The following CCDC68 variants were observed in gnomAD, a reference collection of about 807,000 sequenced individuals.
The protein encoded by CCDC68 is coiled-coil domain containing 68, also known as coiled-coil domain-containing protein 68.
Under a neutral mutation model 47.1 loss-of-function variants are expected in CCDC68, and 45 were observed. That is an observed-to-expected ratio of 0.96 (90% confidence interval 0.75 to 1.23). CCDC68 has a LOEUF of 1.23. CCDC68 is among the 50% of genes most tolerant of loss of function. The probability of loss-of-function intolerance (pLI) is 0.00; values close to 1 mark genes in which losing one functional copy is unlikely to be tolerated. For missense variants in CCDC68, 353 were observed against 373.6 expected, an observed-to-expected ratio of 0.94 and a Z score of 0.45; for synonymous variants, 131 against 129.5, an observed-to-expected ratio of 1.01 and a Z score of -0.08.
At chr18:54,943,373 A>G (rs1232876147) in intron 2 of CCDC68, among the ~76,000 whole-genome samples, 1 of 152,162 alleles carries the variant, frequency 6.6e-6, no homozygotes, top group Non-Finnish European at 1.5e-5. Context: ...GCGGAAAATA[A>G]TATATAATAT....
chr18:54,904,713 A>G (rs1428524148), intron 11 of CCDC68, among the ~76,000 whole-genome samples: 4 of 152,196 alleles, frequency 2.6e-5, no homozygotes, highest in Admixed American at 6.5e-5. Flanking sequence ...CCTGGTGAAG[A>G]CATTCCCCAG....
chr18:54,950,061 C>A (rs2044588510), intron 1 of CCDC68, among the ~76,000 whole-genome samples: 1 of 152,180 alleles, frequency 6.6e-6, no homozygotes, highest in African/African-American at 2.4e-5. Context: ...ACATTCCCAT[C>A]AATTCCGGTA....
At chr18:54,907,913 T>TATTTG in intron 10 of CCDC68, 51 bp from the exon 11 acceptor site, 1 of 1,022,298 alleles carries the variant, frequency 9.8e-7, no homozygotes, top group Non-Finnish European at 1.6e-6. Context: ...ATTTATTAGC[T>TATTTG]ACACCCTCAA....
At chr18:54,916,520 T>C (rs146583228) in intron 10 of CCDC68, among the ~76,000 whole-genome samples, 17 of 152,170 alleles carry the variant, frequency 1.1e-4, no homozygotes, top group African/African-American at 4.8e-5. Context: ...AGGTGACAAT[T>C]GGCAGAAAAT....
intron 10 of CCDC68, among the ~76,000 whole-genome samples, chr18:54,914,607 C>G (rs1277018522): frequency 4.6e-5 from 7 of 151,850 alleles, no homozygotes; most frequent in Non-Finnish European, 1.0e-4. Flanking sequence ...GCCTGGGTGA[C>G]AAAGTGAGAC....
chr18:54,932,344 C>G (rs11661608), intron 7 of CCDC68, among the ~76,000 whole-genome samples: 26,613 of 151,726 alleles, frequency 0.18, 2,899 homozygotes, highest in East Asian at 0.32. Context: ...GCTACCATGC[C>G]CAGCTAATTT....
At chr18:54,943,332 G>A (rs1444273017) in intron 2 of CCDC68, among the ~76,000 whole-genome samples, 1 of 152,044 alleles carries the variant, frequency 6.6e-6, no homozygotes, top group Admixed American at 6.6e-5. Flanking sequence ...CCATCACTAG[G>A]ATGTATTATT....
Position 54,903,361 on chromosome 18 carries a change from T to G in CCDC68, c.*997A>C, listed in dbSNP as rs1240125020. On this transcript the variant is annotated 3_prime_UTR_variant, in exon 12 of 12. Transcript: ENST00000591504. Reference sequence around the variant, plus strand: ...TTCTGCAAGTCAGAATTTGTTCTATTCACTGCAATCACAAACTCCACCTAC... The same window carrying G: ...TTCTGCAAGTCAGAATTTGTTCTATGCACTGCAATCACAAACTCCACCTAC... 2 of 152,178 alleles carry G rather than the reference T, an allele frequency of 1.3e-5. No homozygotes were observed. Among genetic ancestry groups the G allele is most frequent in the African/African-American group, 4.8e-5 (2 of 41,440 alleles). The allele number at this position is 152,178 out of a possible 1,614,324, so 9.4% of individuals were successfully genotyped here.
intron 6 of CCDC68, among the ~76,000 whole-genome samples, chr18:54,936,449 C>A (rs566026652): frequency 3.3e-5 from 5 of 151,890 alleles, no homozygotes. Context: ...ATTCTAGAGA[C>A]AAGGACACCC....
chr18:54,926,374 A>AAGG (rs1381464312), intron 8 of CCDC68, among the ~76,000 whole-genome samples: 16 of 152,208 alleles, frequency 1.1e-4, no homozygotes, highest in Non-Finnish European at 1.9e-4. Flanking sequence ...TGCAAAGCAA[A>AAGG]AGGAGGAAAA....
intron 8 of CCDC68, among the ~76,000 whole-genome samples, chr18:54,924,757 T>G (rs1418707300): frequency 2.0e-5 from 3 of 152,050 alleles, no homozygotes; most frequent in Non-Finnish European, 4.4e-5. Flanking sequence ...TCCCAAAGGG[T>G]TGGTGAAAAG....
intron 8 of CCDC68, among the ~76,000 whole-genome samples, chr18:54,928,209 C>T (rs889073204): frequency 6.6e-6 from 1 of 152,072 alleles, no homozygotes; most frequent in Non-Finnish European, 1.5e-5. Flanking sequence ...TTTCTAATAG[C>T]GGCTGAGTAG....
intron 10 of CCDC68, 101 bp from the exon 11 acceptor site, chr18:54,907,963 G>C: frequency 7.0e-6 from 5 of 713,408 alleles, no homozygotes; most frequent in South Asian, 6.4e-5. Context: ...CTCGTTGGCA[G>C]CAAGTTTGTT....
intron 10 of CCDC68, among the ~76,000 whole-genome samples, chr18:54,915,535 G>A (rs1252577339): frequency 6.6e-6 from 1 of 152,156 alleles, no homozygotes; most frequent in African/African-American, 2.4e-5. Context: ...TGCTGATTTG[G>A]TATCCAGGGA....
At chr18:54,911,016 T>C (rs1398705805) in intron 10 of CCDC68, among the ~76,000 whole-genome samples, 1 of 152,190 alleles carries the variant, frequency 6.6e-6, no homozygotes, top group Non-Finnish European at 1.5e-5. Context: ...GGGGCTCTTG[T>C]GGGCTCCATG....
At chr18:54,926,801 G>A (rs568865637) in intron 8 of CCDC68, among the ~76,000 whole-genome samples, 22 of 152,212 alleles carry the variant, frequency 1.4e-4, no homozygotes, top group Admixed American at 3.3e-4. Context: ...CAAAATCTCC[G>A]AGCTCTATAA....
chr18:54,924,755 G>T (rs1168290628), intron 8 of CCDC68, among the ~76,000 whole-genome samples: 2 of 152,070 alleles, frequency 1.3e-5, no homozygotes, highest in East Asian at 1.9e-4. Context: ...TCTCCCAAAG[G>T]GTTGGTGAAA....
chr18:54,913,034 T>C (rs1157204249), intron 10 of CCDC68, among the ~76,000 whole-genome samples: 1 of 152,128 alleles, frequency 6.6e-6, no homozygotes, highest in Admixed American at 6.5e-5. Flanking sequence ...AGCCAAACCA[T>C]ATCACCCAAA....
chr18:54,924,069 AG>A (rs2044106521), intron 8 of CCDC68, among the ~76,000 whole-genome samples: 1 of 152,220 alleles, frequency 6.6e-6, no homozygotes, highest in South Asian at 2.1e-4. Context: ...GCCTAAAAAA[AG>A]GAGGCAAATG....
Sources: allele counts gnomAD v4.1 joint callset (sites outside exome capture counted in the v4.1 genomes callset), GRCh38; gene constraint gnomAD v4.1.1; transcripts MANE v1.5; gene names NCBI Gene and HGNC (gene_info 2026-07-23, HGNC 2026-07-21).